DMD: variants seen among roughly 807,000 people sequenced by gnomAD.
The protein encoded by DMD is mutant dystrophin.
Under a neutral mutation model 330.1 loss-of-function variants are expected in DMD, and 63 were observed. The observed-to-expected ratio is 0.19, with a 90% confidence interval of 0.16 to 0.24. The LOEUF is 0.24. DMD is among the 10% of genes least tolerant of loss of function. The pLI is 1.00. For synonymous variants in DMD, 1,223 were observed against 959.8 expected (o/e 1.27, Z -5.07); for missense variants, 3,344 against 2,684.1 (o/e 1.25, Z -5.43).
At position 32,909,444 on chromosome X, in the gene DMD, C is replaced by T. The variant is rs768455951; in HGVS notation, c.94-59624G>A. 5.4e-5 allele frequency among the ~76,000 whole-genome samples: 6 copies of T among 111,575 alleles called. No individual in the cohort carries two copies. In the East Asian group the frequency reaches 1.1e-3, roughly 21 times the overall value. ...GGGGGTAATGAGGAGTATCTCGCCA[C>T]GTCAGAGGAGTGAGTATCCTTCTGC... On this transcript the variant is annotated intron_variant, in intron 2 of 78. Transcript: ENST00000357033.
chrX:32,493,115 T>C (rs187412893), intron 19 of DMD, among the ~76,000 whole-genome samples: 1 of 111,946 alleles, frequency 8.9e-6, no homozygotes, highest in East Asian at 2.8e-4. Flanking sequence ...CCTCCCACTT[T>C]ATCCTTTTTA....
intron 7 of DMD, among the ~76,000 whole-genome samples, chrX:32,734,749 T>C (rs917364649): frequency 9.1e-6 from 1 of 109,832 alleles, no homozygotes; most frequent in Non-Finnish European, 1.9e-5. Flanking sequence ...AAATTAGGTA[T>C]TGACGGGACA....
intron 60 of DMD, among the ~76,000 whole-genome samples, chrX:31,401,532 T>G (rs58502991): frequency 1.8e-5 from 2 of 111,105 alleles, no homozygotes; most frequent in Admixed American, 1.9e-4. Flanking sequence ...ATAAATGATC[T>G]CATTTAATTC....
At chrX:33,015,874 G>A (rs2093792074) in intron 2 of DMD, among the ~76,000 whole-genome samples, 1 of 111,267 alleles carries the variant, frequency 9.0e-6, no homozygotes, top group Non-Finnish European at 1.9e-5. Context: ...GCAATGAAGA[G>A]GTAAATGAAC....
chrX:32,736,698 T>A (rs2068539092), intron 7 of DMD, among the ~76,000 whole-genome samples: 1 of 97,819 alleles, frequency 1.0e-5, no homozygotes, highest in Non-Finnish European at 2.0e-5. Flanking sequence ...TTCTCACTCA[T>A]AGGTGGGAAT....
At chrX:32,253,267 C>A (rs186525845) in intron 43 of DMD, among the ~76,000 whole-genome samples, 3 of 110,117 alleles carry the variant, frequency 2.7e-5, no homozygotes, top group African/African-American at 9.9e-5. Context: ...TTAACCCTAT[C>A]GACACTAAGA....
rs180895314 is a variant in DMD at position 33,074,921 on chromosome X, G to T, written c.32-54721C>A. ...GGCTTATGCCAAGCTAACTTTGGGA[G>T]ACATTTATAGTTTAAATGACAATAG... is the stretch of plus-strand genomic sequence containing the variant. On this transcript the variant is annotated intron_variant, in intron 1 of 78. Transcript: ENST00000357033. Among the ~76,000 whole-genome samples the T allele has an allele frequency of 5.4e-5, 6 of 111,816 alleles. No homozygotes were observed. In the East Asian group the frequency reaches 1.4e-3, roughly 26 times the overall value.
chrX:32,399,877 T>C (rs1430273962), intron 30 of DMD, among the ~76,000 whole-genome samples: 1 of 111,994 alleles, frequency 8.9e-6, no homozygotes, highest in African/African-American at 3.2e-5. Context: ...TATGGTTTTC[T>C]AGATATACAA....
chrX:32,489,725 T>G (rs2042815932), intron 20 of DMD, among the ~76,000 whole-genome samples: 1 of 111,296 alleles, frequency 9.0e-6, no homozygotes, highest in African/African-American at 3.3e-5. Flanking sequence ...GAATGTACTG[T>G]GTAGGTACTA....
chrX:32,575,904 T>C (rs1188175568), intron 13 of DMD, among the ~76,000 whole-genome samples: 6 of 112,019 alleles, frequency 5.4e-5, no homozygotes, highest in Non-Finnish European at 1.1e-4. Flanking sequence ...ATATATAGCA[T>C]CTTCTCTCTA....
intron 55 of DMD, among the ~76,000 whole-genome samples, chrX:31,584,261 G>A (rs1464069676): frequency 3.9e-5 from 4 of 102,683 alleles, no homozygotes; most frequent in Non-Finnish European, 7.9e-5. Context: ...CCCTCCCCTC[G>A]CCCCACCCCC....
intron 9 of DMD, among the ~76,000 whole-genome samples, chrX:32,680,128 G>C (rs2062293483): frequency 9.3e-6 from 1 of 107,538 alleles, no homozygotes; most frequent in African/African-American, 3.4e-5. Context: ...TGGTCAGGCT[G>C]GTCTCGAACT....
In DMD at chrX:31,969,892, A is replaced by G. The variant is rs190256113; in HGVS notation, c.6439-1378T>C. 7.2e-5 allele frequency among the ~76,000 whole-genome samples: 8 copies of G among 111,405 alleles called. No individual in the cohort carries two copies. In the East Asian group the frequency reaches 2.0e-3, roughly 28 times the overall value. On this transcript the variant is annotated intron_variant, in intron 44 of 78. Coordinates refer to ENST00000357033, the MANE Select transcript of DMD (RefSeq NM_004006.3). Reference sequence around the variant, plus strand: ...ATGCCCATGAGATGTGCTCTAGTAAACATGTGATATTTCCTTGTAACTAGT... The same window carrying G: ...ATGCCCATGAGATGTGCTCTAGTAAGCATGTGATATTTCCTTGTAACTAGT...
chrX:31,782,431 C>T (rs1281473184), intron 50 of DMD, among the ~76,000 whole-genome samples: 1 of 110,840 alleles, frequency 9.0e-6, no homozygotes, highest in Non-Finnish European at 1.9e-5. Flanking sequence ...TCCTGTCACC[C>T]ACACCGTCTC....
At chrX:33,173,540 G>A (rs1192696198) in intron 1 of DMD, among the ~76,000 whole-genome samples, 1 of 111,044 alleles carries the variant, frequency 9.0e-6, no homozygotes, top group Non-Finnish European at 1.9e-5. Flanking sequence ...GGCAGATTCA[G>A]TGTATTCATT....
chrX:32,455,799 G>A (rs1257514641), intron 25 of DMD, among the ~76,000 whole-genome samples: 1 of 111,174 alleles, frequency 9.0e-6, no homozygotes, highest in Non-Finnish European at 1.9e-5. Context: ...AAAGTTTTAC[G>A]TGTAAAATGC....
intron 10 of DMD, among the ~76,000 whole-genome samples, chrX:32,644,569 C>A (rs2059666421): frequency 9.2e-6 from 1 of 108,226 alleles, no homozygotes; most frequent in Non-Finnish European, 1.9e-5. Context: ...GGAAGAGCTC[C>A]CAGGAAGTTC....
chrX:32,219,034 C>A (rs1222589205), intron 43 of DMD, among the ~76,000 whole-genome samples: 1 of 111,689 alleles, frequency 9.0e-6, no homozygotes, highest in African/African-American at 3.3e-5. Flanking sequence ...TATGCTTAAC[C>A]TTTAAAATCT....
chrX:32,719,598 A>C (rs1185055360), intron 7 of DMD, among the ~76,000 whole-genome samples: 1 of 112,013 alleles, frequency 8.9e-6, no homozygotes, highest in Non-Finnish European at 1.9e-5. Flanking sequence ...ATGGAATAAC[A>C]AAATTTAATT....
Sources: gnomAD v4.1 joint callset for allele counts (sites outside exome capture counted in the v4.1 genomes callset) on GRCh38, gnomAD v4.1.1 for gene constraint, MANE v1.5 for transcripts, NCBI Gene and HGNC (gene_info 2026-07-23, HGNC 2026-07-21) for gene names.